PIWIL3: variants seen among roughly 807,000 people sequenced by gnomAD.
PIWIL3 encodes the protein piwi like RNA-mediated gene silencing 3, also known as piwi-like protein 3.
Under a neutral mutation model 109.7 loss-of-function variants are expected in PIWIL3, and 101 were observed. The ratio of observed to expected loss-of-function variants is 0.92; its 90% confidence interval spans 0.78 to 1.09. The LOEUF (loss-of-function observed/expected upper bound fraction) is 1.09, where lower values mean the gene tolerates loss of function less well. Ranked by LOEUF, PIWIL3 falls within the 50% of genes least tolerant of loss-of-function variation. The probability of loss-of-function intolerance (pLI) is 0.00; values close to 1 mark genes in which losing one functional copy is unlikely to be tolerated. For synonymous variants in PIWIL3, 373 were observed against 376.4 expected (o/e 0.99, Z 0.10); for missense variants, 1,031 against 1,072.6 (o/e 0.96, Z 0.54).
intron 8 of PIWIL3, among the ~76,000 whole-genome samples, chr22:24,751,699 T>C (rs995248859): frequency 2.6e-5 from 4 of 152,226 alleles, no homozygotes; most frequent in South Asian, 4.1e-4. Context: ...TGTGCAATCA[T>C]CAAGACAAAG....
rs566719365 is a variant in PIWIL3 at position 24,753,263 on chromosome 22, G to A, written c.977+751C>T. On this transcript the variant is annotated intron_variant, in intron 8 of 20. Coordinates refer to ENST00000616349, the MANE Select transcript of PIWIL3 (RefSeq NM_001255975.1). ...ATTCAGTCCTATATTTTCTAAGAAT[G>A]TTATGCTTTTAGTTCTTACATCTAG... Among the ~76,000 whole-genome samples, 8 of 152,306 alleles carry A rather than the reference G, an allele frequency of 5.3e-5. No homozygotes were observed. In the East Asian group the frequency reaches 1.5e-3, roughly 29 times the overall value.
chr22:24,773,369 T>C (rs1281760165), intron 1 of PIWIL3, among the ~76,000 whole-genome samples: 1 of 152,180 alleles, frequency 6.6e-6, no homozygotes, highest in East Asian at 1.9e-4. Context: ...TTCTCCTCTT[T>C]TCCTGTCTGC....
Position 24,719,252 on chromosome 22 carries a change from A to C in PIWIL3, c.*220T>G, listed in dbSNP as rs1922519039. 3.9e-6 allele frequency: 1 copy of C among 258,964 alleles called. No homozygotes were observed. Among genetic ancestry groups the C allele is most frequent in the African/African-American group, 2.2e-5 (1 of 44,906 alleles). The allele number at this position is 258,964 out of a possible 1,614,324, so 16.0% of individuals were successfully genotyped here. On this transcript the variant is annotated 3_prime_UTR_variant, in exon 21 of 21. Coordinates refer to ENST00000616349, the MANE Select transcript of PIWIL3 (RefSeq NM_001255975.1). ...GATCTCTGTCACATATTTGAAAGGG[A>C]AACTGCAAGCCAAACCCTGTCAGTT...
chr22:24,764,811 G>A (rs999543621), intron 1 of PIWIL3, among the ~76,000 whole-genome samples: 4 of 152,120 alleles, frequency 2.6e-5, no homozygotes, highest in African/African-American at 9.7e-5. Flanking sequence ...AACCCAGCGG[G>A]AAAAGTTTGC....
rs376069272 is a variant in PIWIL3, at chr22:24,755,901, ACT to A, written c.573_574del (p.Arg191SerfsTer18). Reference sequence around the variant, plus strand: ...GTCTTTGGTTGTGCTCAACCATTCCACTCTCTGAGATTAAAAAAAAACAAAAA... The same window carrying A: ...GTCTTTGGTTGTGCTCAACCATTCCACTCTGAGATTAAAAAAAAACAAAAA... On this transcript the variant is annotated frameshift_variant and splice_region_variant, in exon 6 of 21. Transcript: ENST00000616349. LOFTEE classifies it high-confidence loss of function. 84 of 1,608,022 alleles carry A rather than the reference ACT, an allele frequency of 5.2e-5. No homozygotes were observed. In the Middle Eastern group the frequency reaches 6.6e-4, roughly 13 times the overall value.
rs749928878 is a variant in PIWIL3, at chr22:24,756,496, CTT to C, written c.563_564del (p.Lys188ArgfsTer21). The C allele has an allele frequency of 7.4e-6, 12 of 1,612,686 alleles. No individual in the cohort carries two copies. Among genetic ancestry groups the C allele is most frequent in the African/African-American group, 2.7e-5 (2 of 74,886 alleles). On this transcript the variant is annotated frameshift_variant, in exon 5 of 21. Coordinates refer to ENST00000616349, the MANE Select transcript of PIWIL3 (RefSeq NM_001255975.1). LOFTEE classifies it high-confidence loss of function. ...GNSLLLSRPLKERRVEWLSTT... is the reference protein window; with the variant it reads ...GNSLLLSRPLXERRVEWLSTT... ...GTGAAACAACATTACTTAACCCGCT[CTT>C]TTAGTGGCCGAGATAATAATAAAGA...
Position 24,773,469 on chromosome 22 carries a change from C to T in PIWIL3, c.-23+853G>A, listed in dbSNP as rs542143105. Reference sequence around the variant, plus strand: ...CTTGAAGCACTGGCAGGTCCCACAACGAATGCTCAAAAAATGGAAGCCTCT... The same window carrying T: ...CTTGAAGCACTGGCAGGTCCCACAATGAATGCTCAAAAAATGGAAGCCTCT... On this transcript the variant is annotated intron_variant, in intron 1 of 20. Transcript: ENST00000616349. 7.9e-5 allele frequency among the ~76,000 whole-genome samples: 12 copies of T among 152,212 alleles called. No individual in the cohort carries two copies. In the South Asian group the frequency reaches 1.9e-3, roughly 24 times the overall value.
At position 24,733,074 on chromosome 22, in the gene PIWIL3, A is replaced by G. The variant is rs138847586; in HGVS notation, c.1707+1010T>C. ...AGTCCAACAGGATTTCAAAATGCAG[A>G]CATTACATTTCAGAATGCGTACGGC... On this transcript the variant is annotated intron_variant, in intron 14 of 20. Transcript: ENST00000616349. 5.9e-5 allele frequency among the ~76,000 whole-genome samples: 9 copies of G among 152,324 alleles called. No homozygotes were observed. The East Asian group carries it at 1.7e-3, about 29-fold the overall frequency.
intron 19 of PIWIL3, among the ~76,000 whole-genome samples, chr22:24,722,826 A>G (rs556865005): frequency 1.1e-3 from 171 of 152,352 alleles, no homozygotes; most frequent in Admixed American, 2.3e-3. Flanking sequence ...TTGTCAATAT[A>G]AACATCATTT....
rs576254716 is a variant in PIWIL3 at position 24,762,221 on chromosome 22, C to T, written c.102+177G>A. ...GAGAAGGAAGCAGTGGAGAGTACAT[C>T]TGAGTAGATAAAGCCTCCCCATGCT... is the stretch of plus-strand genomic sequence containing the variant. On this transcript the variant is annotated intron_variant, in intron 2 of 20. Coordinates refer to ENST00000616349, the MANE Select transcript of PIWIL3 (RefSeq NM_001255975.1). The T allele has an allele frequency of 1.4e-5, 16 of 1,168,018 alleles. No individual in the cohort carries two copies. The South Asian group carries it at 3.3e-4, about 24-fold the overall frequency. The allele number at this position is 1,168,018 out of a possible 1,614,324, so 72.4% of individuals were successfully genotyped here. A position where few individuals can be genotyped will look rare whatever the true frequency, so the allele number is the denominator to read the frequency against.
At chr22:24,755,267 C>T (rs1924953818) in intron 6 of PIWIL3, among the ~76,000 whole-genome samples, 1 of 152,118 alleles carries the variant, frequency 6.6e-6, no homozygotes, top group Admixed American at 6.5e-5. Context: ...AAACCACAGG[C>T]ACCTGCCACC....
chr22:24,751,604 A>G lies in PIWIL3; in HGVS notation c.978-106T>C. 4 of 1,505,996 alleles carry G rather than the reference A, an allele frequency of 2.7e-6. No individual in the cohort carries two copies. In the South Asian group the frequency reaches 5.4e-5, roughly 20 times the overall value. The allele number at this position is 1,505,996 out of a possible 1,614,324, so 93.3% of individuals were successfully genotyped here. A position where few individuals can be genotyped will look rare whatever the true frequency, so the allele number is the denominator to read the frequency against. On this transcript the variant is annotated intron_variant, in intron 8 of 20. Transcript: ENST00000616349. ...CCTGCAAGGAATTGCAGAATATATT[A>G]GATTTACTTAAGATGTAATTCACAT...
chr22:24,771,974 G>A (rs938528009), intron 1 of PIWIL3, among the ~76,000 whole-genome samples: 2 of 152,112 alleles, frequency 1.3e-5, no homozygotes, highest in Non-Finnish European at 2.9e-5. Flanking sequence ...GATTACAGGC[G>A]TTGAGTCACT....
intron 2 of PIWIL3, chr22:24,761,912 T>C (rs1601850586): frequency 3.1e-6 from 3 of 964,132 alleles, no homozygotes; most frequent in Non-Finnish European, 3.7e-6. Flanking sequence ...ATGCAGTATA[T>C]GGTCCCCCTG....
chr22:24,761,903 T>G, intron 2 of PIWIL3: 1 of 944,436 alleles, frequency 1.1e-6, no homozygotes, highest in South Asian at 4.9e-5. Flanking sequence ...GCTACTTCCA[T>G]GCAGTATATG....
At chr22:24,762,608 C>CTGGGTAATTTATAAAGGAAGAGG in intron 1 of PIWIL3, 87 bp from the exon 2 acceptor site, 3 of 1,122,438 alleles carry the variant, frequency 2.7e-6, no homozygotes, top group Non-Finnish European at 3.7e-6. Context: ...ATATCTGAGG[C>CTGGGTAATTTATAAAGGAAGAGG]TGGGTAATTT....
Position 24,754,057 on chromosome 22 carries a change from C to G in PIWIL3, c.934G>C (p.Glu312Gln), listed in dbSNP as rs760605591. The G allele has an allele frequency of 2.5e-6, 4 of 1,612,398 alleles. No homozygotes were observed. Among genetic ancestry groups the G allele is most frequent in the East Asian group, 4.5e-5 (2 of 44,872 alleles). Reference sequence around the variant, plus strand: ...CCAATTAATTTATTAGTTACTTCCTCTCGGATGTTTCCTGTCTGGGCCTGG... The same window carrying G: ...CCAATTAATTTATTAGTTACTTCCTGTCGGATGTTTCCTGTCTGGGCCTGG... ...SAQAQTGNIR[E>Q]EVTNKLIGSI... Residue 312 changes from glutamate (E) to glutamine (Q), a missense_variant, in exon 8 of 21, where the codon GAG becomes CAG. Glu to Gln is a conservative substitution (Grantham distance 29). Transcript: ENST00000616349.
chr22:24,738,477 G>T (rs192635554), intron 12 of PIWIL3, among the ~76,000 whole-genome samples: 5 of 152,190 alleles, frequency 3.3e-5, no homozygotes, highest in African/African-American at 1.2e-4. Flanking sequence ...GGTTGACCCC[G>T]TGCAGTCCCA....
At chr22:24,720,762 C>T (rs1007513454) in intron 19 of PIWIL3, among the ~76,000 whole-genome samples, 1 of 152,022 alleles carries the variant, frequency 6.6e-6, no homozygotes, top group Admixed American at 6.6e-5. Context: ...TACTTCATTT[C>T]TCCTCAACTC....
Sources: gnomAD v4.1 joint callset for allele counts (sites outside exome capture counted in the v4.1 genomes callset) on GRCh38, gnomAD v4.1.1 for gene constraint, MANE v1.5 for transcripts, NCBI Gene and HGNC (gene_info 2026-07-23, HGNC 2026-07-21) for gene names.